The following MECOM variants were observed in gnomAD, a reference collection of about 807,000 sequenced individuals.
The protein encoded by MECOM is MDS1 and EVI1 complex locus.
A neutral mutation model predicts 116.3 loss-of-function variants in MECOM; 13 were observed. The ratio of observed to expected loss-of-function variants is 0.11; its 90% confidence interval spans 0.07 to 0.18. The LOEUF is 0.18. MECOM is among the 10% of genes least tolerant of loss of function. MECOM has a pLI of 1.00. For missense variants in MECOM, 1,299 were observed against 1,509.0 expected (o/e 0.86, Z 2.31); for synonymous variants, 528 against 535.2 (o/e 0.99, Z 0.19).
chr3:169,271,872 C>T (rs927006223), intron 2 of MECOM, among the ~76,000 whole-genome samples: 3 of 152,114 alleles, frequency 2.0e-5, no homozygotes, highest in Non-Finnish European at 4.4e-5. Context: ...GCTAACATTC[C>T]GAGACCAGCC....
At chr3:169,509,401 T>A (rs1469703490) in intron 1 of MECOM, among the ~76,000 whole-genome samples, 1 of 152,196 alleles carries the variant, frequency 6.6e-6, no homozygotes, top group African/African-American at 2.4e-5. Context: ...TTCAGTGACA[T>A]TAAGTACCTT....
intron 1 of MECOM, among the ~76,000 whole-genome samples, chr3:169,390,250 C>A (rs1734010445): frequency 6.6e-6 from 1 of 152,088 alleles, no homozygotes; most frequent in Non-Finnish European, 1.5e-5. Flanking sequence ...ATTTGGTGTG[C>A]CAAAAGCTTA....
At chr3:169,481,984 T>A (rs1313425122) in intron 1 of MECOM, among the ~76,000 whole-genome samples, 1 of 152,218 alleles carries the variant, frequency 6.6e-6, no homozygotes, top group African/African-American at 2.4e-5. Context: ...AGTACAACTC[T>A]TGAGATCATG....
intron 1 of MECOM, among the ~76,000 whole-genome samples, chr3:169,655,411 A>T (rs1775424729): frequency 1.3e-5 from 2 of 152,208 alleles, no homozygotes; most frequent in African/African-American, 4.8e-5. Context: ...TACAAACTCA[A>T]TCCACTAAAA....
intron 2 of MECOM, among the ~76,000 whole-genome samples, chr3:169,306,106 AT>A (rs1453850696): frequency 1.3e-5 from 2 of 152,196 alleles, no homozygotes; most frequent in Admixed American, 6.5e-5. Context: ...TCTGATTTAA[AT>A]ATCTTTTATG....
At chr3:169,106,038 T>A (rs900083333) in intron 10 of MECOM, among the ~76,000 whole-genome samples, 2 of 152,176 alleles carry the variant, frequency 1.3e-5, no homozygotes, top group Non-Finnish European at 2.9e-5. Flanking sequence ...AAATGATATG[T>A]CCAACAACAC....
chr3:169,416,108 C>G (rs115555385), intron 1 of MECOM, among the ~76,000 whole-genome samples: 1 of 151,892 alleles, frequency 6.6e-6, no homozygotes, highest in Non-Finnish European at 1.5e-5. Flanking sequence ...ATTCTAAAAC[C>G]GACCATATAA....
intron 2 of MECOM, among the ~76,000 whole-genome samples, chr3:169,237,610 CA>C (rs775383808): frequency 0.025 from 2,042 of 80,630 alleles, 12 homozygotes; most frequent in South Asian, 0.063. Flanking sequence ...GTCTCCATCA[CA>C]AAAAAAAAAA....
At chr3:169,593,551 T>C (rs1279523166) in intron 1 of MECOM, among the ~76,000 whole-genome samples, 1 of 152,154 alleles carries the variant, frequency 6.6e-6, no homozygotes, top group Non-Finnish European at 1.5e-5. Context: ...AAAATTCAGA[T>C]TCCTCAATGC....
intron 2 of MECOM, among the ~76,000 whole-genome samples, chr3:169,324,866 C>T (rs1721577536): frequency 6.6e-6 from 1 of 152,156 alleles, no homozygotes; most frequent in South Asian, 2.1e-4. Context: ...ATTTCCACAG[C>T]CTCTTCCCTA....
intron 1 of MECOM, among the ~76,000 whole-genome samples, chr3:169,650,330 A>G (rs548642272): frequency 6.6e-6 from 1 of 152,326 alleles, no homozygotes; most frequent in Admixed American, 6.5e-5. Context: ...TAGTAGCATC[A>G]GTTGGCTTTA....
intron 1 of MECOM, among the ~76,000 whole-genome samples, chr3:169,585,836 C>T (rs549251138): frequency 2.0e-5 from 3 of 152,158 alleles, no homozygotes; most frequent in African/African-American, 7.2e-5. Flanking sequence ...CCATTCAATA[C>T]ACTTCTTGAG....
intron 1 of MECOM, among the ~76,000 whole-genome samples, chr3:169,547,678 T>C (rs1760893389): frequency 6.6e-6 from 1 of 152,158 alleles, no homozygotes; most frequent in Non-Finnish European, 1.5e-5. Context: ...AAATATAATC[T>C]TTGCCAATGT....
Position 169,205,107 on chromosome 3 carries a change from A to C in MECOM, c.376-61275T>G, listed in dbSNP as rs543002614. 2.6e-5 allele frequency among the ~76,000 whole-genome samples: 4 copies of C among 152,284 alleles called. No homozygotes were observed. In the East Asian group the frequency reaches 7.7e-4, roughly 29 times the overall value. On this transcript the variant is annotated intron_variant, in intron 2 of 16. Coordinates refer to ENST00000651503, the MANE Select transcript of MECOM (RefSeq NM_004991.4). ...AGGCTTAAAATAGTATCTCGTTGAC[A>C]AGAATCTGAGGTCTTTCAGACCTAA...
chr3:169,657,774 C>A (rs1361560838), intron 1 of MECOM, among the ~76,000 whole-genome samples: 3 of 152,236 alleles, frequency 2.0e-5, no homozygotes, highest in Non-Finnish European at 2.9e-5. Context: ...ATATGTCACA[C>A]TTTTGAAAGA....
chr3:169,298,084 A>T (rs1292430699), intron 2 of MECOM, among the ~76,000 whole-genome samples: 1 of 152,166 alleles, frequency 6.6e-6, no homozygotes, highest in Non-Finnish European at 1.5e-5. Context: ...GAACAAACAC[A>T]TTTCTTTTTA....
intron 2 of MECOM, among the ~76,000 whole-genome samples, chr3:169,315,621 T>C (rs1719602361): frequency 6.6e-6 from 1 of 152,156 alleles, no homozygotes; most frequent in South Asian, 2.1e-4. Flanking sequence ...TTCATGGCCA[T>C]ATACTACCAC....
chr3:169,136,251 A>G (rs913377283), intron 3 of MECOM, among the ~76,000 whole-genome samples: 1 of 151,626 alleles, frequency 6.6e-6, no homozygotes, highest in Non-Finnish European at 1.5e-5. Context: ...GCTTAGATAT[A>G]TTACATATTT....
In MECOM at chr3:169,597,790, G is replaced by A. The variant is rs550162784; in HGVS notation, c.37+65546C>T. Among the ~76,000 whole-genome samples, 16 of 152,190 alleles carry A rather than the reference G, an allele frequency of 1.1e-4. No homozygotes were observed. In the South Asian group the frequency reaches 2.1e-3, roughly 20 times the overall value. Reference sequence around the variant, plus strand: ...TCATGAGGGAGTATCAACACACAAGGCCTAATATCCTGAGGTTCCTGTCCC... The same window carrying A: ...TCATGAGGGAGTATCAACACACAAGACCTAATATCCTGAGGTTCCTGTCCC... On this transcript the variant is annotated intron_variant, in intron 1 of 16. Coordinates refer to ENST00000651503, the MANE Select transcript of MECOM (RefSeq NM_004991.4).
Sources: gnomAD v4.1 joint callset for allele counts (sites outside exome capture counted in the v4.1 genomes callset) on GRCh38, gnomAD v4.1.1 for gene constraint, MANE v1.5 for transcripts, NCBI Gene and HGNC (gene_info 2026-07-23, HGNC 2026-07-21) for gene names.